Variants in NBAS observed in about 807,000 individuals in gnomAD.
The protein encoded by NBAS is NAG/BC035112 fusion.
A neutral mutation model predicts 302.5 loss-of-function variants in NBAS; 219 were observed. That is an observed-to-expected ratio of 0.72 (90% CI 0.65 to 0.81). The LOEUF (loss-of-function observed/expected upper bound fraction) is 0.81, where lower values mean the gene tolerates loss of function less well. Among genes scored for constraint, NBAS ranks in the 30% least tolerant of loss-of-function variants. The pLI, the probability that NBAS is intolerant of heterozygous loss-of-function variation, is 0.00. For missense variants in NBAS, 2,932 were observed against 2,841.6 expected, an observed-to-expected ratio of 1.03 and a Z score of -0.72; for synonymous variants, 1,118 against 1,021.6, an observed-to-expected ratio of 1.09 and a Z score of -1.80.
chr2:15,461,642 G>C (rs1203029245), intron 20 of NBAS, 45 bp downstream of exon 20: 5 of 1,117,784 alleles, frequency 4.5e-6, no homozygotes, highest in East Asian at 2.4e-5. Flanking sequence ...AAGATTTAGA[G>C]AGTGTTAATA....
intron 35 of NBAS, among the ~76,000 whole-genome samples, chr2:15,340,725 G>A (rs990631859): frequency 6.6e-6 from 1 of 152,088 alleles, no homozygotes; most frequent in African/African-American, 2.4e-5. Flanking sequence ...ATTTAGCTGG[G>A]GAGATGAGGA....
At chr2:15,536,332 C>CAAAA in intron 8 of NBAS, 86 bp downstream of exon 8, 1 of 1,161,870 alleles carries the variant, frequency 8.6e-7, no homozygotes, top group African/African-American at 1.7e-5. Flanking sequence ...AGACAGAAAG[C>CAAAA]AAAAAAAAAA....
intron 32 of NBAS, among the ~76,000 whole-genome samples, chr2:15,357,555 G>C (rs1019652181): frequency 6.6e-6 from 1 of 152,134 alleles, no homozygotes; most frequent in African/African-American, 2.4e-5. Flanking sequence ...GAAGAGACAG[G>C]TCAAAACCTA....
intron 35 of NBAS, among the ~76,000 whole-genome samples, chr2:15,345,455 A>T (rs1217730496): frequency 6.6e-6 from 1 of 152,210 alleles, no homozygotes; most frequent in Non-Finnish European, 1.5e-5. Flanking sequence ...AGGGATGTGA[A>T]GGACCTCTCA....
At chr2:15,490,546 C>T (rs1287415759) in intron 11 of NBAS, among the ~76,000 whole-genome samples, 2 of 152,156 alleles carry the variant, frequency 1.3e-5, no homozygotes, top group Non-Finnish European at 2.9e-5. Context: ...CCTCCCTCCT[C>T]AAATTTAAAG....
chr2:15,415,776 T>G lies in NBAS; in HGVS notation c.2764-57A>C, dbSNP rs1372117910. On this transcript the variant is annotated intron_variant, in intron 24 of 51. Transcript: ENST00000281513. ...AAGAATGAAGTTAAACTAAATGCCTTATTATATCAGACAGCGAGTTCTAAA... is the reference window on the plus strand; with the variant it reads ...AAGAATGAAGTTAAACTAAATGCCTGATTATATCAGACAGCGAGTTCTAAA... 1.1e-5 allele frequency: 17 copies of G among 1,578,558 alleles called. No homozygotes were observed. The African/African-American group carries it at 2.0e-4, about 19-fold the overall frequency.
the NBAS span, among the ~76,000 whole-genome samples, chr2:14,863,764 G>GA: frequency 2.0e-5 from 3 of 152,206 alleles, no homozygotes; most frequent in African/African-American, 7.2e-5. Flanking sequence ...GTCAACATGA[G>GA]AGATTTAAAC....
At chr2:14,821,612 A>T in the NBAS span, among the ~76,000 whole-genome samples, 1 of 152,174 alleles carries the variant, frequency 6.6e-6, no homozygotes, top group Non-Finnish European at 1.5e-5. Flanking sequence ...CCACAAGGAG[A>T]GGATTCAGTC....
At chr2:14,883,616 C>T in the NBAS span, among the ~76,000 whole-genome samples, 1 of 152,198 alleles carries the variant, frequency 6.6e-6, no homozygotes, top group Non-Finnish European at 1.5e-5. Context: ...AGCTCCGTCA[C>T]TACAGGTAGC....
At position 15,424,361 on chromosome 2, in the gene NBAS, T is replaced by A. The variant is rs752599321; in HGVS notation, c.2531A>T (p.Asp844Val). ...TTCCTCTGCTCTGGTCTGATACCAG[T>A]CCATAACCTTCTCCACCGTAAGCTG... ...MTQLTVEKVM[D>V]WYQTRAEEIE... Residue 844 changes from aspartate (D) to valine (V), a missense_variant, in exon 23 of 52, where the codon GAC becomes GTC. Transcript: ENST00000281513. 6.2e-7 allele frequency: 1 copy of A among 1,614,058 alleles called. No individual in the cohort carries two copies.
At chr2:15,160,249 A>G in the NBAS span, among the ~76,000 whole-genome samples, 1 of 152,122 alleles carries the variant, frequency 6.6e-6, no homozygotes, top group African/African-American at 2.4e-5. Context: ...TCAGATGAAC[A>G]CCGGGGTCTC....
chr2:15,327,750 C>T lies in NBAS; in HGVS notation c.4582G>A (p.Val1528Ile). The change falls in exon 38 of 52, where the codon GTT becomes ATT. Residue 1528 changes from valine to isoleucine, a missense_variant and splice_region_variant. Transcript: ENST00000281513. ...AAGGGACTAGAACCTTCTCTCTTAC[C>T]TTCAGTTGTTGGAAATACTTCTCCT... ...NKGEVFPTTE[V>I]LLQLASEALP... 6.2e-7 allele frequency: 1 copy of T among 1,613,516 alleles called. No homozygotes were observed. Among genetic ancestry groups the T allele is most frequent in the South Asian group, 1.1e-5 (1 of 91,068 alleles).
rs11898971 is a variant in NBAS at position 15,473,554 on chromosome 2, T to C, written c.1600-207A>G. On this transcript the variant is annotated intron_variant, in intron 15 of 51. Coordinates refer to ENST00000281513, the MANE Select transcript of NBAS (RefSeq NM_015909.4). ...AGCACTTCAACAGAAAGATGAGAGA[T>C]AAAAGGTGCAAAGCTCTCGTTTTAG... Among the ~76,000 whole-genome samples, 93,176 of 152,040 alleles carry C rather than the reference T, an allele frequency of 0.61. 29,480 individuals carry two copies. The highest frequency in any genetic ancestry group is 0.68 in the Non-Finnish European group (46,024 of 67,978).
At chr2:14,815,198 T>C in the NBAS span, among the ~76,000 whole-genome samples, 1 of 152,160 alleles carries the variant, frequency 6.6e-6, no homozygotes, top group African/African-American at 2.4e-5. Context: ...AATGCCAAGC[T>C]TTTTCAGATC....
chr2:14,923,625 A>T, the NBAS span, among the ~76,000 whole-genome samples: 1 of 152,182 alleles, frequency 6.6e-6, no homozygotes, highest in Non-Finnish European at 1.5e-5. Flanking sequence ...AAGGCCAAAG[A>T]AGACATTTCA....
the NBAS span, among the ~76,000 whole-genome samples, chr2:14,940,281 G>A: frequency 1.3e-5 from 2 of 152,134 alleles, no homozygotes; most frequent in Non-Finnish European, 2.9e-5. Flanking sequence ...TTACACTGAG[G>A]TACTGTCCTC....
chr2:15,498,364 TA>T (rs563998162), intron 11 of NBAS, among the ~76,000 whole-genome samples: 1,567 of 152,040 alleles, frequency 0.01, 16 homozygotes, highest in African/African-American at 0.022. Context: ...TTTATCCCAA[TA>T]AAAAAAATAT....
chr2:15,258,095 G>C (rs937894430), intron 44 of NBAS, among the ~76,000 whole-genome samples: 2 of 152,278 alleles, frequency 1.3e-5, no homozygotes, highest in African/African-American at 4.8e-5. Flanking sequence ...GGACTGGCTG[G>C]AGCCGTGGCA....
Position 15,217,647 on chromosome 2 carries a change from G to A in NBAS, c.6432+1126C>T, listed in dbSNP as rs187170226. 4.2e-4 allele frequency among the ~76,000 whole-genome samples: 64 copies of A among 152,330 alleles called. 1 individual carries two copies. The highest frequency in any genetic ancestry group is 1.5e-3 in the African/African-American group (62 of 41,578). On this transcript the variant is annotated intron_variant, in intron 48 of 51. Transcript: ENST00000281513. ...GGTCTAACCCTGCGTGCTAAAGCAC[G>A]TGATTAAGGTTCCCGACTCCTGGAC... is the stretch of plus-strand genomic sequence containing the variant.
Sources: gnomAD v4.1 joint callset for allele counts (sites outside exome capture counted in the v4.1 genomes callset) on GRCh38, gnomAD v4.1.1 for gene constraint, MANE v1.5 for transcripts, NCBI Gene and HGNC (gene_info 2026-07-23, HGNC 2026-07-21) for gene names.